Variants in NPY2R observed in about 807,000 individuals in gnomAD.
NPY2R encodes neuropeptide Y receptor Y2.
Under a neutral mutation model 22.3 loss-of-function variants are expected in NPY2R, and 17 were observed. The observed-to-expected ratio is 0.76, with a 90% confidence interval of 0.52 to 1.14. NPY2R has a LOEUF of 1.14. Ranked by LOEUF, NPY2R falls within the 50% of genes most tolerant of loss-of-function variation. The pLI, the probability that NPY2R is intolerant of heterozygous loss-of-function variation, is 0.00. For synonymous variants in NPY2R, 209 were observed against 183.4 expected (o/e 1.14, Z -1.13); for missense variants, 424 against 467.9 (o/e 0.91, Z 0.87).
the NPY2R span, among the ~76,000 whole-genome samples, chr4:155,195,257 T>C: frequency 6.6e-6 from 1 of 151,986 alleles, no homozygotes; most frequent in Non-Finnish European, 1.5e-5. Flanking sequence ...TCTCTCTCCT[T>C]CATATGTATT....
At chr4:155,194,751 A>G in the NPY2R span, among the ~76,000 whole-genome samples, 5 of 152,106 alleles carry the variant, frequency 3.3e-5, no homozygotes, top group South Asian at 1.0e-3. Flanking sequence ...CTTTGAGTGT[A>G]TACCTGGTAA....
the NPY2R span, among the ~76,000 whole-genome samples, chr4:155,182,589 A>G: frequency 0.47 from 71,299 of 151,984 alleles, 17,455 homozygotes; most frequent in East Asian, 0.69. Context: ...TCAGGCCACA[A>G]TAGGAGAATC....
upstream of NPY2R, chr4:155,206,852 T>C (rs1286962024): frequency 6.6e-6 from 1 of 152,230 alleles, no homozygotes; most frequent in Non-Finnish European, 1.5e-5. Context: ...CCATTTCTAC[T>C]CTTTTAAAGT....
At chr4:155,185,047 T>A in the NPY2R span, among the ~76,000 whole-genome samples, 32 of 149,638 alleles carry the variant, frequency 2.1e-4, no homozygotes, top group Middle Eastern at 0.017. Flanking sequence ...TATATATATT[T>A]TTTTTTTCCT....
chr4:155,198,257 C>T, the NPY2R span, among the ~76,000 whole-genome samples: 1 of 151,924 alleles, frequency 6.6e-6, no homozygotes, highest in South Asian at 2.1e-4. Context: ...GGGAACCATG[C>T]ACTTAGCATC....
chr4:155,186,152 A>G, the NPY2R span, among the ~76,000 whole-genome samples: 1 of 152,190 alleles, frequency 6.6e-6, no homozygotes, highest in Non-Finnish European at 1.5e-5. Context: ...TAGACTTAAT[A>G]TTAGTCCAAG....
At chr4:155,182,054 C>T in the NPY2R span, among the ~76,000 whole-genome samples, 26 of 152,212 alleles carry the variant, frequency 1.7e-4, no homozygotes, top group African/African-American at 6.3e-4. Context: ...AAGGAATAAG[C>T]AGAATGGTTT....
the NPY2R span, among the ~76,000 whole-genome samples, chr4:155,174,582 A>G: frequency 1.3e-5 from 2 of 151,042 alleles, no homozygotes; most frequent in Non-Finnish European, 3.0e-5. Flanking sequence ...CTTTTACTAT[A>G]TAAGGCATAA....
chr4:155,174,478 A>ATT, the NPY2R span, among the ~76,000 whole-genome samples: 53 of 88,744 alleles, frequency 6.0e-4, 1 homozygote, highest in African/African-American at 3.0e-3. Context: ...ATATATATAT[A>ATT]TATATATTTT....
At chr4:155,178,725 G>A in the NPY2R span, among the ~76,000 whole-genome samples, 71 of 152,266 alleles carry the variant, frequency 4.7e-4, no homozygotes, top group Non-Finnish European at 9.7e-4. Flanking sequence ...TAAATAGAAT[G>A]CTTTATATTT....
chr4:155,174,503 T>C, the NPY2R span, among the ~76,000 whole-genome samples: 2 of 145,276 alleles, frequency 1.4e-5, no homozygotes, highest in African/African-American at 5.1e-5. Flanking sequence ...TTTAAATCTC[T>C]ACTTTAAAAT....
At chr4:155,191,917 T>G in the NPY2R span, among the ~76,000 whole-genome samples, 1 of 151,966 alleles carries the variant, frequency 6.6e-6, no homozygotes, top group African/African-American at 2.4e-5. Flanking sequence ...AAAGGTTGTT[T>G]GATTATTTGT....
the NPY2R span, among the ~76,000 whole-genome samples, chr4:155,195,405 A>G: frequency 6.6e-5 from 10 of 152,084 alleles, no homozygotes; most frequent in African/African-American, 2.2e-4. Flanking sequence ...CTTTGACCTT[A>G]GTGTCCGGGG....
chr4:155,183,358 A>G, the NPY2R span, among the ~76,000 whole-genome samples: 8 of 152,130 alleles, frequency 5.3e-5, no homozygotes, highest in Admixed American at 2.0e-4. Context: ...GAAATATAGG[A>G]GTTTTATTTC....
chr4:155,214,833 G>A lies in NPY2R; in HGVS notation c.894G>A (p.Leu298=). 6.2e-7 allele frequency: 1 copy of A among 1,610,320 alleles called. No individual in the cohort carries two copies. The highest frequency in any genetic ancestry group is 8.5e-7 in the Non-Finnish European group (1 of 1,177,652). Residue 298 remains leucine (L), a synonymous_variant, in exon 2 of 2, where the codon CTG becomes CTA. Transcript: ENST00000329476. ...QLAVDIDSQV[L]DLKEYKLIFT... The stretch of plus-strand genomic sequence containing the variant: ...CCGTTGACATTGACAGCCAGGTCCT[G>A]GACCTGAAGGAGTACAAACTCATCT...
the NPY2R span, among the ~76,000 whole-genome samples, chr4:155,203,605 C>CA: frequency 1.3e-5 from 2 of 152,094 alleles, no homozygotes; most frequent in African/African-American, 4.8e-5. Flanking sequence ...GAAAAGCAGG[C>CA]ATAGATCCAA....
chr4:155,187,370 G>A, the NPY2R span, among the ~76,000 whole-genome samples: 1 of 152,226 alleles, frequency 6.6e-6, no homozygotes, highest in South Asian at 2.1e-4. Flanking sequence ...TCACCAAAAG[G>A]TCAGATCATA....
At position 155,213,914 on chromosome 4, in the gene NPY2R, G is replaced by A; in HGVS notation, c.-26G>A. On this transcript the variant is annotated 5_prime_UTR_variant, in exon 2 of 2. Transcript: ENST00000329476. ...TAGGTTGTAGACTCTTGTGCTGGTT[G>A]CAGGCCAAGTGGACCTGTACTGAAA... The A allele has an allele frequency of 6.3e-7, 1 of 1,596,202 alleles. No homozygotes were observed. The highest frequency in any genetic ancestry group is 8.6e-7 in the Non-Finnish European group (1 of 1,164,196).
At chr4:155,189,357 T>C in the NPY2R span, among the ~76,000 whole-genome samples, 1 of 152,046 alleles carries the variant, frequency 6.6e-6, no homozygotes, top group Admixed American at 6.6e-5. Context: ...AGTAACTACA[T>C]CTCCATGAAT....
Sources: allele counts gnomAD v4.1 joint callset (sites outside exome capture counted in the v4.1 genomes callset), GRCh38; gene constraint gnomAD v4.1.1; transcripts MANE v1.5; gene names NCBI Gene and HGNC (gene_info 2026-07-23, HGNC 2026-07-21).